Variants in ARHGEF28 observed in about 807,000 individuals in gnomAD.
The protein encoded by ARHGEF28 is Rho guanine nucleotide exchange factor 28.
In ARHGEF28, 152 loss-of-function variants were observed where a neutral mutation model predicts 206.6. The observed-to-expected ratio is 0.74, with a 90% confidence interval of 0.64 to 0.84. The LOEUF is 0.84. Among genes scored for constraint, ARHGEF28 ranks in the 40% least tolerant of loss-of-function variants. The probability of loss-of-function intolerance (pLI) is 0.00; values close to 1 mark genes in which losing one functional copy is unlikely to be tolerated. For missense variants in ARHGEF28, 2,028 were observed against 2,073.2 expected (o/e 0.98, Z 0.42); for synonymous variants, 763 against 776.4 (o/e 0.98, Z 0.29).
At chr5:73,825,110 T>C (rs1254210746) in intron 9 of ARHGEF28, among the ~76,000 whole-genome samples, 1 of 152,240 alleles carries the variant, frequency 6.6e-6, no homozygotes, top group Non-Finnish European at 1.5e-5. Context: ...CAAAACTGTC[T>C]TTGCAGTTGC....
intron 2 of ARHGEF28, among the ~76,000 whole-genome samples, chr5:73,737,527 T>TTTTC (rs1561368163): frequency 3.9e-5 from 2 of 51,474 alleles, no homozygotes; most frequent in Non-Finnish European, 8.7e-5. Flanking sequence ...CTTTTCTTTT[T>TTTTC]TGTGATGGAG....
At chr5:73,825,346 A>G (rs898271008) in intron 9 of ARHGEF28, among the ~76,000 whole-genome samples, 17 of 152,244 alleles carry the variant, frequency 1.1e-4, no homozygotes, top group African/African-American at 3.9e-4. Flanking sequence ...ATCCAGGGGA[A>G]GAGCCCTGCT....
At chr5:73,766,259 G>T (rs1752896640) in intron 4 of ARHGEF28, among the ~76,000 whole-genome samples, 1 of 152,082 alleles carries the variant, frequency 6.6e-6, no homozygotes, top group Non-Finnish European at 1.5e-5. Context: ...ACATTACTTA[G>T]CCCTAAAAAA....
chr5:73,824,472 C>CT (rs59155790), intron 9 of ARHGEF28, among the ~76,000 whole-genome samples: 7,266 of 142,060 alleles, frequency 0.051, 327 homozygotes, highest in East Asian at 0.14. Context: ...GGTTTGAAGA[C>CT]TTTTTTTTTT....
chr5:73,907,052 T>C (rs529818427), intron 33 of ARHGEF28, among the ~76,000 whole-genome samples: 1 of 152,374 alleles, frequency 6.6e-6, no homozygotes, highest in South Asian at 2.1e-4. Flanking sequence ...ATCACAGTGG[T>C]AATAGCAAGC....
chr5:73,788,227 A>G (rs1052908399), intron 7 of ARHGEF28, among the ~76,000 whole-genome samples: 35 of 152,220 alleles, frequency 2.3e-4, no homozygotes, highest in Non-Finnish European at 8.8e-5. Flanking sequence ...TTAAAGTAGA[A>G]TCTAAGTTTG....
At chr5:73,842,207 G>A (rs1758031430) in intron 11 of ARHGEF28, among the ~76,000 whole-genome samples, 1 of 152,044 alleles carries the variant, frequency 6.6e-6, no homozygotes, top group African/African-American at 2.4e-5. Flanking sequence ...TCCTACCCAT[G>A]TGATTATATG....
intron 14 of ARHGEF28, among the ~76,000 whole-genome samples, chr5:73,855,082 ATAACT>A (rs1300214794): frequency 9.2e-5 from 14 of 152,232 alleles, no homozygotes; most frequent in Admixed American, 9.2e-4. Context: ...GATGTTAAAA[ATAACT>A]TAATCTTTCC....
intron 1 of ARHGEF28, among the ~76,000 whole-genome samples, chr5:73,651,502 C>T (rs1744826808): frequency 6.6e-6 from 1 of 152,160 alleles, no homozygotes; most frequent in Admixed American, 6.5e-5. Context: ...GTTAATATGT[C>T]TCCCAAGCTA....
chr5:73,627,282 C>T (rs896804596), intron 1 of ARHGEF28: 1 of 152,174 alleles, frequency 6.6e-6, no homozygotes, highest in Non-Finnish European at 1.5e-5. Flanking sequence ...GGGCAAAATC[C>T]AAAGAAAGTA....
intron 1 of ARHGEF28, among the ~76,000 whole-genome samples, chr5:73,669,828 A>G (rs1450829454): frequency 6.6e-6 from 1 of 152,140 alleles, no homozygotes; most frequent in African/African-American, 2.4e-5. Flanking sequence ...CTGGGATTAC[A>G]AGCATGCACC....
At chr5:73,719,561 G>A (rs890847116) in intron 2 of ARHGEF28, among the ~76,000 whole-genome samples, 2 of 152,160 alleles carry the variant, frequency 1.3e-5, no homozygotes, top group Non-Finnish European at 2.9e-5. Context: ...CAGCAACAGT[G>A]CTAAAATGTT....
At chr5:73,720,582 G>A (rs978129772) in intron 2 of ARHGEF28, among the ~76,000 whole-genome samples, 15 of 152,114 alleles carry the variant, frequency 9.9e-5, no homozygotes, top group African/African-American at 3.4e-4. Flanking sequence ...GGAATGACGG[G>A]TGGGATGGTA....
At chr5:73,734,742 C>T (rs545279550) in intron 2 of ARHGEF28, among the ~76,000 whole-genome samples, 2 of 152,098 alleles carry the variant, frequency 1.3e-5, no homozygotes, top group Non-Finnish European at 2.9e-5. Context: ...GAACTGATAC[C>T]ACTTTGCCAA....
chr5:73,748,132 T>A (rs1751832139), intron 2 of ARHGEF28, among the ~76,000 whole-genome samples: 1 of 152,226 alleles, frequency 6.6e-6, no homozygotes, highest in Non-Finnish European at 1.5e-5. Flanking sequence ...CTTCCTTTTT[T>A]AGGAAATGGA....
At chr5:73,789,606 G>T (rs959678195) in intron 7 of ARHGEF28, among the ~76,000 whole-genome samples, 53 of 151,918 alleles carry the variant, frequency 3.5e-4, no homozygotes, top group African/African-American at 1.2e-3. Flanking sequence ...AACATATATG[G>T]GGGAGTATAT....
chr5:73,882,656 G>C, intron 23 of ARHGEF28, 62 bp downstream of exon 23: 1 of 1,342,400 alleles, frequency 7.4e-7, no homozygotes, highest in Non-Finnish European at 9.9e-7. Flanking sequence ...GTTTATGCTT[G>C]TTTCTTAATG....
chr5:73,794,559 G>GC (rs1754684571), intron 8 of ARHGEF28, 105 bp downstream of exon 8: 4 of 927,018 alleles, frequency 4.3e-6, no homozygotes, highest in Non-Finnish European at 4.8e-6. Flanking sequence ...AAAAGGATGT[G>GC]CCCCAAGTCA....
intron 1 of ARHGEF28, among the ~76,000 whole-genome samples, chr5:73,657,734 A>G (rs1745309262): frequency 6.6e-6 from 1 of 152,214 alleles, no homozygotes; most frequent in Non-Finnish European, 1.5e-5. Context: ...TCAAAGACTT[A>G]GGCTGAGACC....
Sources: allele counts gnomAD v4.1 joint callset (sites outside exome capture counted in the v4.1 genomes callset), GRCh38; gene constraint gnomAD v4.1.1; transcripts MANE v1.5; gene names NCBI Gene and HGNC (gene_info 2026-07-23, HGNC 2026-07-21).